Variants in SMYD3 observed in about 807,000 individuals in gnomAD.
The protein encoded by SMYD3 is histone-lysine N-methyltransferase SMYD3.
In SMYD3, 36 loss-of-function variants were observed where a neutral mutation model predicts 57.7. That is an observed-to-expected ratio of 0.62 (90% CI 0.48 to 0.82). The LOEUF (loss-of-function observed/expected upper bound fraction) is 0.82. Ranked by LOEUF, SMYD3 falls within the 40% of genes least tolerant of loss-of-function variation. SMYD3 has a pLI of 0.00. For synonymous variants in SMYD3, 211 were observed against 195.0 expected (o/e 1.08, Z -0.68); for missense variants, 515 against 538.8 (o/e 0.96, Z 0.44).
At chr1:246,069,753 G>A (rs1476504392) in intron 5 of SMYD3, among the ~76,000 whole-genome samples, 3 of 152,158 alleles carry the variant, frequency 2.0e-5, no homozygotes, top group African/African-American at 7.2e-5. Flanking sequence ...GGCAGCAGCA[G>A]GCTCACTCCT....
chr1:246,124,450 G>A (rs1001820245), intron 5 of SMYD3, among the ~76,000 whole-genome samples: 6 of 152,092 alleles, frequency 3.9e-5, no homozygotes, highest in African/African-American at 1.4e-4. Context: ...AGTCTTTGAA[G>A]GTAATTAAAT....
chr1:246,074,313 T>C (rs942853841), intron 5 of SMYD3, among the ~76,000 whole-genome samples: 1 of 147,004 alleles, frequency 6.8e-6, no homozygotes, highest in African/African-American at 2.7e-5. Context: ...AAAGCATGTT[T>C]TGCAAATAAA....
At chr1:246,401,105 T>C (rs1558446069) in intron 1 of SMYD3, among the ~76,000 whole-genome samples, 1 of 152,226 alleles carries the variant, frequency 6.6e-6, no homozygotes, top group Non-Finnish European at 1.5e-5. Context: ...AATTCAGTGA[T>C]CACTTTCAAA....
intron 5 of SMYD3, among the ~76,000 whole-genome samples, chr1:246,267,234 A>G (rs1467832430): frequency 6.6e-6 from 1 of 152,222 alleles, no homozygotes; most frequent in East Asian, 1.9e-4. Flanking sequence ...ACAGACCACA[A>G]TTATAAATAT....
intron 9 of SMYD3, among the ~76,000 whole-genome samples, chr1:245,861,484 T>C (rs2051544380): frequency 6.6e-6 from 1 of 152,210 alleles, no homozygotes; most frequent in African/African-American, 2.4e-5. Context: ...TTTTATTCAC[T>C]TAATCATATT....
chr1:246,144,006 A>G (rs1489733669), intron 5 of SMYD3, among the ~76,000 whole-genome samples: 1 of 152,220 alleles, frequency 6.6e-6, no homozygotes, highest in African/African-American at 2.4e-5. Flanking sequence ...ACCTGTAAAG[A>G]TTGATAACTT....
intron 11 of SMYD3, among the ~76,000 whole-genome samples, chr1:245,752,055 C>A (rs544229305): frequency 2.0e-5 from 3 of 152,316 alleles, no homozygotes; most frequent in Admixed American, 6.5e-5. Flanking sequence ...ATCTTGAGGT[C>A]TGAGGCAGAG....
At chr1:245,933,317 A>G (rs1238026977) in intron 5 of SMYD3, among the ~76,000 whole-genome samples, 1 of 152,168 alleles carries the variant, frequency 6.6e-6, no homozygotes, top group Admixed American at 6.5e-5. Context: ...AAATAAATGC[A>G]ACTGGGTTAA....
intron 5 of SMYD3, among the ~76,000 whole-genome samples, chr1:246,199,168 A>C: frequency 6.6e-6 from 1 of 151,476 alleles, no homozygotes; most frequent in African/African-American, 2.4e-5. Context: ...TCCCATCCTT[A>C]TGTCCATAAC....
At position 246,112,934 on chromosome 1, in the gene SMYD3, C is replaced by T. The variant is rs2061272179; in HGVS notation, c.532-182997G>A. On this transcript the variant is annotated intron_variant, in intron 5 of 11. Coordinates refer to ENST00000490107, the MANE Select transcript of SMYD3 (RefSeq NM_001167740.2). ...CAGTGGCTCACGCCTGTAATCCCAG[C>T]ACTTTGGGAGGCTGTGGCAGGCGGA... 2.6e-5 allele frequency among the ~76,000 whole-genome samples: 4 copies of T among 152,104 alleles called. No homozygotes were observed. In the South Asian group the frequency reaches 8.3e-4, roughly 32 times the overall value.
In SMYD3 at chr1:245,919,261, A is replaced by G. The variant is rs144608580; in HGVS notation, c.703-3621T>C. Among the ~76,000 whole-genome samples, 480 of 152,330 alleles carry G rather than the reference A, an allele frequency of 3.2e-3. 4 individuals carry two copies. Among genetic ancestry groups the G allele is most frequent in the African/African-American group, 0.011 (466 of 41,578 alleles). On this transcript the variant is annotated intron_variant, in intron 7 of 11. Coordinates refer to ENST00000490107, the MANE Select transcript of SMYD3 (RefSeq NM_001167740.2). ...CACTGCCCTTGAATAAAGGCACACA[A>G]GGATTTCCCTCAGCTGTTTTTCTGT...
At chr1:245,893,751 C>A (rs2053547524) in intron 8 of SMYD3, among the ~76,000 whole-genome samples, 1 of 51,762 alleles carries the variant, frequency 1.9e-5, no homozygotes, top group African/African-American at 8.1e-5. Context: ...GAACGCTTCT[C>A]TATCTTGATG....
At chr1:245,839,693 A>G (rs2050303005) in intron 10 of SMYD3, among the ~76,000 whole-genome samples, 1 of 152,194 alleles carries the variant, frequency 6.6e-6, no homozygotes, top group Non-Finnish European at 1.5e-5. Context: ...GTTATGTGGT[A>G]TATGAATGAT....
chr1:245,795,792 C>T (rs1024551159), intron 10 of SMYD3, among the ~76,000 whole-genome samples: 10 of 152,158 alleles, frequency 6.6e-5, no homozygotes, highest in African/African-American at 1.9e-4. Context: ...AAGCACTGAA[C>T]GCTCTTGTCC....
chr1:246,070,764 T>C (rs2060429028), intron 5 of SMYD3, among the ~76,000 whole-genome samples: 1 of 152,250 alleles, frequency 6.6e-6, no homozygotes, highest in Non-Finnish European at 1.5e-5. Flanking sequence ...TTTAATGGCA[T>C]GCACCTTTTA....
At chr1:245,903,945 C>A (rs2054371642) in intron 8 of SMYD3, among the ~76,000 whole-genome samples, 1 of 152,088 alleles carries the variant, frequency 6.6e-6, no homozygotes, top group Non-Finnish European at 1.5e-5. Context: ...AGACATTTTC[C>A]CCGCTGTCTT....
intron 5 of SMYD3, among the ~76,000 whole-genome samples, chr1:246,325,522 G>A (rs1001497792): frequency 6.6e-6 from 1 of 152,076 alleles, no homozygotes; most frequent in Non-Finnish European, 1.5e-5. Context: ...CAAATATTAT[G>A]TGGGGAGAAG....
intron 8 of SMYD3, among the ~76,000 whole-genome samples, chr1:245,894,051 T>TC (rs2053575124): frequency 1.3e-5 from 2 of 152,118 alleles, no homozygotes; most frequent in African/African-American, 4.8e-5. Flanking sequence ...GCAGAGTACC[T>TC]CGTGAGAGGT....
At chr1:245,775,801 G>C (rs1362973650) in intron 10 of SMYD3, among the ~76,000 whole-genome samples, 1 of 151,214 alleles carries the variant, frequency 6.6e-6, no homozygotes, top group African/African-American at 2.4e-5. Flanking sequence ...AAAGGATAAA[G>C]ATGAAATAAA....
Sources: allele counts gnomAD v4.1 joint callset (sites outside exome capture counted in the v4.1 genomes callset), GRCh38; gene constraint gnomAD v4.1.1; transcripts MANE v1.5; gene names NCBI Gene and HGNC (gene_info 2026-07-23, HGNC 2026-07-21).